Variants in GALNT13 observed in about 807,000 individuals in gnomAD.
The protein encoded by GALNT13 is UDP-GalNAc:polypeptide N-acetylgalactosaminyltransferase 13.
A neutral mutation model predicts 64.2 loss-of-function variants in GALNT13; 28 were observed. That is an observed-to-expected ratio of 0.44 (90% CI 0.32 to 0.60). The LOEUF (loss-of-function observed/expected upper bound fraction) is 0.60, where lower values mean the gene tolerates loss of function less well. GALNT13 is among the 20% of genes least tolerant of loss of function. GALNT13 has a pLI of 0.05. For missense variants in GALNT13, 577 were observed against 669.8 expected, an observed-to-expected ratio of 0.86 and a Z score of 1.53; for synonymous variants, 214 against 224.6, an observed-to-expected ratio of 0.95 and a Z score of 0.42.
intron 3 of GALNT13, among the ~76,000 whole-genome samples, chr2:154,065,617 G>A (rs939878495): frequency 1.3e-4 from 20 of 152,282 alleles, no homozygotes; most frequent in African/African-American, 4.8e-4. Context: ...TATCACCAAC[G>A]CGGTACCTCT....
At chr2:154,030,790 A>T (rs1000973473) in intron 3 of GALNT13, among the ~76,000 whole-genome samples, 11 of 152,008 alleles carry the variant, frequency 7.2e-5, no homozygotes, top group African/African-American at 2.7e-4. Context: ...GGAAAGATGT[A>T]CCTTGTTTCC....
the GALNT13 span, among the ~76,000 whole-genome samples, chr2:153,504,573 G>C: frequency 4.8e-4 from 73 of 152,238 alleles, no homozygotes; most frequent in Admixed American, 8.5e-4. Context: ...TGCCGATTTT[G>C]CTGAGGGTTT....
intron 3 of GALNT13, among the ~76,000 whole-genome samples, chr2:154,139,346 C>T (rs1229998334): frequency 1.3e-5 from 2 of 150,400 alleles, no homozygotes; most frequent in Non-Finnish European, 3.0e-5. Context: ...CATTATAGTC[C>T]TTATTTTTTT....
At chr2:153,149,997 C>T in the GALNT13 span, among the ~76,000 whole-genome samples, 2 of 151,698 alleles carry the variant, frequency 1.3e-5, no homozygotes, top group South Asian at 2.1e-4. Flanking sequence ...GCCTGCTCAT[C>T]TAATTTATGA....
At chr2:153,191,683 G>A in the GALNT13 span, among the ~76,000 whole-genome samples, 2 of 148,934 alleles carry the variant, frequency 1.3e-5, no homozygotes, top group African/African-American at 4.9e-5. Context: ...CTGTGAAGCT[G>A]TCAGGTCCTG....
chr2:153,310,833 G>C, the GALNT13 span, among the ~76,000 whole-genome samples: 3 of 152,214 alleles, frequency 2.0e-5, no homozygotes, highest in South Asian at 4.2e-4. Context: ...TAAGAATTTT[G>C]TGTTATAAAA....
At chr2:153,689,903 ACTT>A in the GALNT13 span, among the ~76,000 whole-genome samples, 1 of 151,928 alleles carries the variant, frequency 6.6e-6, no homozygotes, top group South Asian at 2.1e-4. Context: ...ATCTCTTCAG[ACTT>A]CTTTTGTCTT....
At chr2:153,333,195 G>C in the GALNT13 span, among the ~76,000 whole-genome samples, 2 of 152,142 alleles carry the variant, frequency 1.3e-5, no homozygotes, top group African/African-American at 4.8e-5. Context: ...TCCTGGATTG[G>C]GAAAAATATC....
At chr2:153,931,752 A>G (rs1690535433) in intron 2 of GALNT13, among the ~76,000 whole-genome samples, 1 of 152,132 alleles carries the variant, frequency 6.6e-6, no homozygotes, top group Non-Finnish European at 1.5e-5. Flanking sequence ...TCAGTTTGCT[A>G]GTATGTTGCT....
At chr2:153,249,065 A>T in the GALNT13 span, among the ~76,000 whole-genome samples, 1 of 152,216 alleles carries the variant, frequency 6.6e-6, no homozygotes, top group Admixed American at 6.5e-5. Context: ...AATGGTATTC[A>T]AATAGAAAGA....
At chr2:154,185,291 A>C (rs1686189315) in intron 4 of GALNT13, among the ~76,000 whole-genome samples, 1 of 151,900 alleles carries the variant, frequency 6.6e-6, no homozygotes, top group Admixed American at 6.6e-5. Context: ...TTTGTCTCTG[A>C]CTTTTGACAA....
At chr2:153,726,321 G>T in the GALNT13 span, among the ~76,000 whole-genome samples, 10 of 151,960 alleles carry the variant, frequency 6.6e-5, no homozygotes, top group African/African-American at 2.4e-4. Context: ...TCATAGATGT[G>T]ACTCGTGTCT....
chr2:153,862,984 G>T, the GALNT13 span, among the ~76,000 whole-genome samples: 2 of 151,976 alleles, frequency 1.3e-5, no homozygotes, highest in East Asian at 3.9e-4. Context: ...TTCATTTAAT[G>T]TTGAGAAAAT....
chr2:153,895,830 C>A (rs1166972483), intron 1 of GALNT13, among the ~76,000 whole-genome samples: 2 of 151,748 alleles, frequency 1.3e-5, no homozygotes, highest in Admixed American at 6.6e-5. Flanking sequence ...TTCACAGTAA[C>A]TTCTTTTTGC....
At chr2:153,585,537 A>C in the GALNT13 span, among the ~76,000 whole-genome samples, 1 of 152,218 alleles carries the variant, frequency 6.6e-6, no homozygotes, top group East Asian at 1.9e-4. Context: ...AACTTTTAAC[A>C]TATACGAAAA....
chr2:153,259,547 G>T, the GALNT13 span, among the ~76,000 whole-genome samples: 1 of 152,068 alleles, frequency 6.6e-6, no homozygotes, highest in East Asian at 1.9e-4. Context: ...GAGACCTAGT[G>T]GGAGGTAACT....
At chr2:154,418,640 C>T (rs1700128679) in intron 11 of GALNT13, among the ~76,000 whole-genome samples, 1 of 152,036 alleles carries the variant, frequency 6.6e-6, no homozygotes, top group Non-Finnish European at 1.5e-5. Flanking sequence ...TGATTTTGGA[C>T]TTCTGGCCTC....
At chr2:153,093,723 T>C in the GALNT13 span, among the ~76,000 whole-genome samples, 3 of 152,198 alleles carry the variant, frequency 2.0e-5, no homozygotes, top group African/African-American at 7.2e-5. Context: ...ACTCCTCCTC[T>C]AGTTTTTGGA....
chr2:153,433,554 TAAGTA>T, the GALNT13 span, among the ~76,000 whole-genome samples: 1 of 152,192 alleles, frequency 6.6e-6, no homozygotes, highest in Non-Finnish European at 1.5e-5. Context: ...ACATAACTTC[TAAGTA>T]AAGTTTCAGA....
Sources: gnomAD v4.1 joint callset for allele counts (sites outside exome capture counted in the v4.1 genomes callset) on GRCh38, gnomAD v4.1.1 for gene constraint, MANE v1.5 for transcripts, NCBI Gene and HGNC (gene_info 2026-07-23, HGNC 2026-07-21) for gene names.